The following DMD variants were observed in gnomAD, a reference collection of about 807,000 sequenced individuals.
The protein encoded by DMD is dystrophin.
Under a neutral mutation model 330.1 loss-of-function variants are expected in DMD, and 63 were observed. The observed-to-expected ratio is 0.19, with a 90% CI of 0.16 to 0.24. The LOEUF (loss-of-function observed/expected upper bound fraction) is 0.24, where lower values mean the gene tolerates loss of function less well. DMD is among the 10% of genes least tolerant of loss of function. DMD has a pLI of 1.00. For missense variants in DMD, 3,344 were observed against 2,684.1 expected, an observed-to-expected ratio of 1.25 and a Z score of -5.43; for synonymous variants, 1,223 against 959.8, an observed-to-expected ratio of 1.27 and a Z score of -5.07.
intron 1 of DMD, among the ~76,000 whole-genome samples, chrX:33,205,992 C>G (rs1330334538): frequency 9.0e-6 from 1 of 111,630 alleles, no homozygotes; most frequent in Non-Finnish European, 1.9e-5. Flanking sequence ...TCTCCAAAAC[C>G]CATTAAGCCA....
At chrX:31,365,845 C>T (rs1233306135) in intron 60 of DMD, among the ~76,000 whole-genome samples, 1 of 112,605 alleles carries the variant, frequency 8.9e-6, no homozygotes, top group East Asian at 2.8e-4. Flanking sequence ...GAGTGACACA[C>T]GTAGGTGAAT....
At chrX:32,933,016 T>C (rs977323067) in intron 2 of DMD, among the ~76,000 whole-genome samples, 1 of 111,894 alleles carries the variant, frequency 8.9e-6, no homozygotes, top group Non-Finnish European at 1.9e-5. Flanking sequence ...CAAACGTATA[T>C]GGCTAAAATT....
chrX:31,736,558 A>C (rs1444576341), intron 51 of DMD, among the ~76,000 whole-genome samples: 2 of 112,006 alleles, frequency 1.8e-5, no homozygotes, highest in African/African-American at 6.5e-5. Context: ...AACAACTAAT[A>C]ATTTGTTTTA....
At chrX:32,803,222 C>A (rs1757103902) in intron 7 of DMD, among the ~76,000 whole-genome samples, 1 of 111,326 alleles carries the variant, frequency 9.0e-6, no homozygotes, top group Admixed American at 9.5e-5. Flanking sequence ...AGGAATTTTT[C>A]CATTTCTTCT....
chrX:33,051,212 C>CTTTTTT (rs60096455), intron 1 of DMD, among the ~76,000 whole-genome samples: 3 of 90,101 alleles, frequency 3.3e-5, no homozygotes, highest in Non-Finnish European at 2.2e-5. Context: ...ACTGACTTTT[C>CTTTTTT]TTTTTTTTTT....
At chrX:32,190,317 C>T (rs1485307184) in intron 44 of DMD, among the ~76,000 whole-genome samples, 1 of 109,253 alleles carries the variant, frequency 9.2e-6, no homozygotes, top group Non-Finnish European at 1.9e-5. Flanking sequence ...TACACCCATT[C>T]ACTGCTTTCA....
chrX:31,511,656 G>A (rs1389323124), intron 55 of DMD, among the ~76,000 whole-genome samples: 3 of 102,690 alleles, frequency 2.9e-5, no homozygotes, highest in Admixed American at 2.1e-4. Flanking sequence ...TACAAAGGAT[G>A]TGAACTCATC....
rs988400315 is a variant in DMD, at chrX:32,674,897, C to T, written c.960+22973G>A. ...GAACTCTTTACTTAGCCAACAAATTCTCTTTGTATCTTGAGTACATTTGAA... is the reference window on the plus strand; with the variant it reads ...GAACTCTTTACTTAGCCAACAAATTTTCTTTGTATCTTGAGTACATTTGAA... On this transcript the variant is annotated intron_variant, in intron 9 of 78. Coordinates refer to ENST00000357033, the MANE Select transcript of DMD (RefSeq NM_004006.3). Among the ~76,000 whole-genome samples, 4 of 110,785 alleles carry T rather than the reference C, an allele frequency of 3.6e-5. No individual in the cohort carries two copies. The East Asian group carries it at 1.1e-3, about 31-fold the overall frequency.
intron 1 of DMD, among the ~76,000 whole-genome samples, chrX:33,246,917 C>T (rs1433909677): frequency 3.6e-5 from 4 of 110,808 alleles, no homozygotes; most frequent in Middle Eastern, 4.6e-3. Flanking sequence ...AACTCCTGAC[C>T]TCATGATCTG....
rs2096692256 is a variant in DMD, at chrX:32,131,221, T to C, written c.6438+85695A>G. Among the ~76,000 whole-genome samples, 3 of 112,096 alleles carry C rather than the reference T, an allele frequency of 2.7e-5. No homozygotes were observed. In the Admixed American group the frequency reaches 2.8e-4, roughly 11 times the overall value. On this transcript the variant is annotated intron_variant, in intron 44 of 78. Transcript: ENST00000357033. ...ATAAAATAAAATGAAACAAAAATTG[T>C]TATTTTTTAACATCTATTTCATTAG...
chrX:33,318,265 A>T (rs2053961753), intron 1 of DMD, among the ~76,000 whole-genome samples: 1 of 110,916 alleles, frequency 9.0e-6, no homozygotes, highest in Non-Finnish European at 1.9e-5. Context: ...TTGATGAGTT[A>T]AGAATAATTG....
chrX:32,963,157 T>C (rs748766997), intron 2 of DMD, among the ~76,000 whole-genome samples: 21 of 111,899 alleles, frequency 1.9e-4, no homozygotes, highest in Non-Finnish European at 3.4e-4. Flanking sequence ...TACATGTGTA[T>C]TGTAGTTTGA....
chrX:32,017,943 T>C (rs899052471), intron 44 of DMD, among the ~76,000 whole-genome samples: 1 of 111,535 alleles, frequency 9.0e-6, no homozygotes, highest in Non-Finnish European at 1.9e-5. Flanking sequence ...TCTAATACTA[T>C]ACAATATTAG....
At chrX:33,228,258 T>C (rs999493243) in intron 1 of DMD, among the ~76,000 whole-genome samples, 1 of 99,110 alleles carries the variant, frequency 1.0e-5, no homozygotes, top group African/African-American at 3.6e-5. Context: ...AAGTTTAATA[T>C]GTTATTGAAC....
intron 47 of DMD, among the ~76,000 whole-genome samples, chrX:31,912,078 GAGA>G (rs1469025450): frequency 4.7e-4 from 52 of 111,482 alleles, no homozygotes; most frequent in Non-Finnish European, 1.5e-4. Context: ...TGGCTGGACT[GAGA>G]AGAAGCTCCA....
intron 57 of DMD, among the ~76,000 whole-genome samples, chrX:31,483,094 T>G (rs762611451): frequency 1.3e-3 from 124 of 98,614 alleles, no homozygotes; most frequent in Non-Finnish European, 2.2e-3. Context: ...TCGCCCAGGC[T>G]GGAGTGCAGT....
intron 29 of DMD, among the ~76,000 whole-genome samples, chrX:32,430,431 T>C (rs926917963): frequency 5.4e-5 from 6 of 111,866 alleles, no homozygotes; most frequent in Non-Finnish European, 7.5e-5. Context: ...GAAAGCTGTA[T>C]ATAATTAACA....
chrX:31,513,457 A>G (rs2071860108), intron 55 of DMD, among the ~76,000 whole-genome samples: 1 of 110,801 alleles, frequency 9.0e-6, no homozygotes, highest in Non-Finnish European at 1.9e-5. Flanking sequence ...CTCAGGTAGC[A>G]CAAAAGAGCA....
chrX:32,600,625 A>ACAC (rs1375791852), intron 12 of DMD, among the ~76,000 whole-genome samples: 11 of 95,616 alleles, frequency 1.2e-4, no homozygotes, highest in Admixed American at 1.1e-3. Flanking sequence ...CACACACACA[A>ACAC]AACACACCCC....
Sources: gnomAD v4.1 joint callset for allele counts (sites outside exome capture counted in the v4.1 genomes callset) on GRCh38, gnomAD v4.1.1 for gene constraint, MANE v1.5 for transcripts, NCBI Gene and HGNC (gene_info 2026-07-23, HGNC 2026-07-21) for gene names.